The following PDZRN3 variants were observed in gnomAD, a reference collection of about 807,000 sequenced individuals.
PDZRN3 encodes PDZ domain containing ring finger 3.
Under a neutral mutation model 85.7 loss-of-function variants are expected in PDZRN3, and 38 were observed. That is an observed-to-expected ratio of 0.44 (90% CI 0.34 to 0.58). The LOEUF is 0.58. PDZRN3 is among the 20% of genes least tolerant of loss of function. The probability of loss-of-function intolerance (pLI) is 0.01; values close to 1 mark genes in which losing one functional copy is unlikely to be tolerated. For missense variants in PDZRN3, 1,629 were observed against 1,506.4 expected (o/e 1.08, Z -1.35); for synonymous variants, 759 against 638.0 (o/e 1.19, Z -2.86).
chr3:73,399,829 T>A (rs1701713857), intron 5 of PDZRN3, among the ~76,000 whole-genome samples: 1 of 152,242 alleles, frequency 6.6e-6, no homozygotes, highest in Non-Finnish European at 1.5e-5. Flanking sequence ...GTCATGCCAC[T>A]GGCAACAAGT....
chr3:73,490,142 C>A (rs184852814), intron 3 of PDZRN3, among the ~76,000 whole-genome samples: 1 of 152,326 alleles, frequency 6.6e-6, no homozygotes, highest in East Asian at 1.9e-4. Flanking sequence ...TTTATCTTCA[C>A]GCCCCAGCAC....
intron 3 of PDZRN3, among the ~76,000 whole-genome samples, chr3:73,486,314 C>T (rs958109875): frequency 1.4e-4 from 21 of 151,984 alleles, no homozygotes; most frequent in Admixed American, 1.1e-3. Flanking sequence ...GGATTCCAAT[C>T]CAGGCACAAG....
chr3:73,523,408 A>G (rs1473796946), intron 3 of PDZRN3, among the ~76,000 whole-genome samples: 8 of 152,212 alleles, frequency 5.3e-5, no homozygotes, highest in Non-Finnish European at 1.0e-4. Context: ...AAACTTTAGA[A>G]CAAATTATAA....
At chr3:73,406,962 C>T (rs1701867484) in intron 3 of PDZRN3, among the ~76,000 whole-genome samples, 1 of 152,200 alleles carries the variant, frequency 6.6e-6, no homozygotes, top group African/African-American at 2.4e-5. Flanking sequence ...CCCATCCTCA[C>T]CCCAATGCTC....
chr3:73,452,839 C>CTGTGTGTGTGTGTGTG (rs35308043), intron 3 of PDZRN3, among the ~76,000 whole-genome samples: 14,132 of 140,450 alleles, frequency 0.1, 768 homozygotes, highest in South Asian at 0.11. Context: ...GTCCATATAT[C>CTGTGTGTGTGTGTGTG]TGTGTGTGTG....
intron 3 of PDZRN3, among the ~76,000 whole-genome samples, chr3:73,465,310 C>T (rs1266829619): frequency 6.6e-6 from 1 of 152,190 alleles, no homozygotes; most frequent in Non-Finnish European, 1.5e-5. Flanking sequence ...CTCCATCTCT[C>T]CTCCTTTTCT....
At chr3:73,415,981 C>T (rs1325722976) in intron 3 of PDZRN3, among the ~76,000 whole-genome samples, 1 of 128,272 alleles carries the variant, frequency 7.8e-6, no homozygotes, top group South Asian at 2.5e-4. Flanking sequence ...GTACTTTCAT[C>T]ACCAAAAAAA....
At chr3:73,519,836 G>A (rs1379367017) in intron 3 of PDZRN3, among the ~76,000 whole-genome samples, 1 of 152,208 alleles carries the variant, frequency 6.6e-6, no homozygotes, top group Non-Finnish European at 1.5e-5. Context: ...CTACCAGGGA[G>A]AGGGTCATAT....
chr3:73,521,273 G>C (rs1409244058), intron 3 of PDZRN3, among the ~76,000 whole-genome samples: 1 of 152,202 alleles, frequency 6.6e-6, no homozygotes, highest in East Asian at 1.9e-4. Context: ...ATCTTTACTG[G>C]GGCCAGTGCA....
At position 73,383,476 on chromosome 3, in the gene PDZRN3, ATTCCTCTTC is replaced by A; in HGVS notation, c.3081_3089del (p.Lys1027_Arg1029del). On this transcript the variant is annotated inframe_deletion, in exon 10 of 10. Coordinates refer to ENST00000263666, the MANE Select transcript of PDZRN3 (RefSeq NM_015009.3). The stretch of plus-strand genomic sequence containing the variant: ...TCATCCAGTTATCGAAGATTTTCTT[ATTCCTCTTC>A]TTCATCATCTTTTTGTGGCTCAGTT... 1 of 1,614,014 alleles carries A rather than the reference ATTCCTCTTC, an allele frequency of 6.2e-7. No homozygotes were observed. The highest frequency in any genetic ancestry group is 8.5e-7 in the Non-Finnish European group (1 of 1,179,924).
intron 3 of PDZRN3, among the ~76,000 whole-genome samples, chr3:73,464,013 T>G (rs1295508525): frequency 6.6e-6 from 1 of 152,092 alleles, no homozygotes; most frequent in Non-Finnish European, 1.5e-5. Context: ...TGAGACAGAG[T>G]CTTACACCGT....
rs1306971816 is a variant in PDZRN3 at position 73,385,657 on chromosome 3, C to A, written c.1635+12G>T. ...CAGGGCAGAGTGTCAGGGACTGGTG[C>A]GTGGGCGTTACCTGCTGCAGCACGC... On this transcript the variant is annotated intron_variant, in intron 9 of 9. Coordinates refer to ENST00000263666, the MANE Select transcript of PDZRN3 (RefSeq NM_015009.3). 1.3e-6 allele frequency: 2 copies of A among 1,507,664 alleles called. No homozygotes were observed. The highest frequency in any genetic ancestry group is 2.3e-5 in the East Asian group (1 of 44,346). The allele number at this position is 1,507,664 out of a possible 1,614,324, so 93.4% of individuals were successfully genotyped here.
intron 3 of PDZRN3, among the ~76,000 whole-genome samples, chr3:73,407,388 A>G (rs1701876276): frequency 6.6e-6 from 1 of 152,202 alleles, no homozygotes; most frequent in African/African-American, 2.4e-5. Flanking sequence ...TCACTGAATA[A>G]GTGAATTAAC....
intron 3 of PDZRN3, among the ~76,000 whole-genome samples, chr3:73,518,863 T>C (rs1296508619): frequency 1.3e-5 from 2 of 152,166 alleles, no homozygotes; most frequent in African/African-American, 4.8e-5. Flanking sequence ...CCTAACACCA[T>C]CACCGTGAAG....
intron 3 of PDZRN3, among the ~76,000 whole-genome samples, chr3:73,493,255 C>G (rs1703807060): frequency 6.6e-6 from 1 of 152,030 alleles, no homozygotes; most frequent in South Asian, 2.1e-4. Flanking sequence ...TTTCTGAAAG[C>G]CCCATGGAGT....
intron 3 of PDZRN3, among the ~76,000 whole-genome samples, chr3:73,508,711 T>A (rs1704111499): frequency 6.6e-6 from 1 of 152,224 alleles, no homozygotes; most frequent in African/African-American, 2.4e-5. Flanking sequence ...GTCTTTCATT[T>A]TAACTTCTCC....
chr3:73,401,121 T>G, intron 4 of PDZRN3, 112 bp from the exon 5 acceptor site: 1 of 752,976 alleles, frequency 1.3e-6, no homozygotes. Flanking sequence ...TGTGGGCCCT[T>G]TCATGACTCA....
In PDZRN3 at chr3:73,624,645, A is replaced by T; in HGVS notation, c.181T>A (p.Ser61Thr). Residue 61 changes from serine (S) to threonine (T), a missense_variant, in exon 1 of 10, where the codon TCG becomes ACG. Transcript: ENST00000263666. ...AGGACGTGGTTGAGCTCTTTGGCCG[A>T]CAGGCGACCGCGGCAGCGCGCCGGG... ...SCPARCRGRL[S>T]AKELNHVLPL... is the part of the protein sequence containing the mutation. The T allele has an allele frequency of 6.5e-7, 1 of 1,548,082 alleles. No individual in the cohort carries two copies. The highest frequency in any genetic ancestry group is 8.7e-7 in the Non-Finnish European group (1 of 1,150,914).
intron 5 of PDZRN3, among the ~76,000 whole-genome samples, chr3:73,398,444 C>T (rs7648118): frequency 0.59 from 89,343 of 151,984 alleles, 27,096 homozygotes; most frequent in East Asian, 0.85. Context: ...ACCTAGGAAC[C>T]TTGTTAAAGT....
Sources: allele counts gnomAD v4.1 joint callset (sites outside exome capture counted in the v4.1 genomes callset), GRCh38; gene constraint gnomAD v4.1.1; transcripts MANE v1.5; gene names NCBI Gene and HGNC (gene_info 2026-07-23, HGNC 2026-07-21).